Variants in HPSE2 observed in about 807,000 individuals in gnomAD.
HPSE2 encodes heparanase 2 (inactive).
A neutral mutation model predicts 60.5 loss-of-function variants in HPSE2; 38 were observed. The ratio of observed to expected loss-of-function variants is 0.63; its 90% CI spans 0.48 to 0.82. The LOEUF (loss-of-function observed/expected upper bound fraction) is 0.82. Ranked by LOEUF, HPSE2 falls within the 40% of genes least tolerant of loss-of-function variation. The probability of loss-of-function intolerance (pLI) is 0.00; values close to 1 mark genes in which losing one functional copy is unlikely to be tolerated. For missense variants in HPSE2, 713 were observed against 740.4 expected (o/e 0.96, Z 0.43); for synonymous variants, 295 against 293.2 (o/e 1.01, Z -0.06).
rs148630021 is a variant in HPSE2, at chr10:98,774,014, T to C, written c.611-29958A>G. On this transcript the variant is annotated intron_variant, in intron 3 of 11. Coordinates refer to ENST00000370552, the MANE Select transcript of HPSE2 (RefSeq NM_021828.5). ...CAAGGGTGCAGGGTGCAGTGAGCCA[T>C]GACTGTGTCACTGCACTCCAGTATG... Among the ~76,000 whole-genome samples, 1,134 of 152,242 alleles carry C rather than the reference T, an allele frequency of 7.4e-3. 7 individuals carry two copies. The highest frequency in any genetic ancestry group is 0.019 in the Admixed American group (290 of 15,294).
the HPSE2 span, among the ~76,000 whole-genome samples, chr10:99,298,699 G>A: frequency 4.0e-5 from 6 of 148,640 alleles, no homozygotes; most frequent in East Asian, 6.0e-4. Context: ...TTTTTGAGAC[G>A]GAGTCTCGCT....
chr10:98,738,964 A>C (rs1949426332), intron 4 of HPSE2, among the ~76,000 whole-genome samples: 1 of 152,202 alleles, frequency 6.6e-6, no homozygotes, highest in South Asian at 2.1e-4. Context: ...CAGCCATCCC[A>C]TTACTGGATA....
At chr10:98,960,701 C>CTTTTTTTTTTTTTTTTTTT in intron 3 of HPSE2, among the ~76,000 whole-genome samples, 61 of 57,486 alleles carry the variant, frequency 1.1e-3, no homozygotes, top group Non-Finnish European at 1.3e-3. Context: ...ATGTACATTT[C>CTTTTTTTTTTTTTTTTTTT]TTTTTTTTTT....
Position 98,931,378 on chromosome 10 carries a change from A to G in HPSE2, c.611-187322T>C, listed in dbSNP as rs180977251. 3.5e-5 allele frequency among the ~76,000 whole-genome samples: 5 copies of G among 144,190 alleles called. 1 individual carries two copies. The highest frequency in any genetic ancestry group is 3.6e-3 in the Middle Eastern group (1 of 280). The allele number at this position is 144,190 out of a possible 152,430, so 94.6% of individuals were successfully genotyped here. On this transcript the variant is annotated intron_variant, in intron 3 of 11. Coordinates refer to ENST00000370552, the MANE Select transcript of HPSE2 (RefSeq NM_021828.5). ...GCTATTTTGGTTACTATGGCCTTGT[A>G]GTACAGTTTGAAGTTGGGTAGCATG...
rs368074327 is a variant in HPSE2 at position 98,802,770 on chromosome 10, A to G, written c.611-58714T>C. ...AGTCTTTGCTATTGTGAATAGTGCC[A>G]CAATAAACATACGTGTGCATGTGTC... On this transcript the variant is annotated intron_variant, in intron 3 of 11. Coordinates refer to ENST00000370552, the MANE Select transcript of HPSE2 (RefSeq NM_021828.5). Among the ~76,000 whole-genome samples, 1,003 of 132,450 alleles carry G rather than the reference A, an allele frequency of 7.6e-3. 6 individuals carry two copies. Among genetic ancestry groups the G allele is most frequent in the African/African-American group, 0.027 (916 of 33,368 alleles). 86.9% of individuals were successfully genotyped at this position (132,450 alleles called of 152,430 possible). A position where few individuals can be genotyped will look rare whatever the true frequency, so the allele number is the denominator to read the frequency against.
chr10:99,115,084 A>T (rs1844628620), intron 3 of HPSE2, among the ~76,000 whole-genome samples: 1 of 151,344 alleles, frequency 6.6e-6, no homozygotes, highest in Non-Finnish European at 1.5e-5. Flanking sequence ...CTCAGCTTCA[A>T]GGGATCCTCC....
In HPSE2 at chr10:98,838,970, A is replaced by G. The variant is rs1951852725; in HGVS notation, c.611-94914T>C. 2.6e-5 allele frequency among the ~76,000 whole-genome samples: 4 copies of G among 152,302 alleles called. No homozygotes were observed. The South Asian group carries it at 8.3e-4, about 32-fold the overall frequency. ...GAAAGTTATGATCTAGTACAAATTT[A>G]AAATTCATAAACCATCTAGAGAAGT... On this transcript the variant is annotated intron_variant, in intron 3 of 11. Transcript: ENST00000370552.
At chr10:98,540,691 A>AAAT (rs1943431339) in intron 9 of HPSE2, among the ~76,000 whole-genome samples, 1 of 152,244 alleles carries the variant, frequency 6.6e-6, no homozygotes. Flanking sequence ...TGCTCTCTGG[A>AAAT]AATATAGTAT....
At chr10:98,504,687 G>A (rs1288910688) in intron 9 of HPSE2, among the ~76,000 whole-genome samples, 1 of 152,036 alleles carries the variant, frequency 6.6e-6, no homozygotes, top group East Asian at 1.9e-4. Context: ...CTATTCAGGA[G>A]GCTGAGGCGG....
At chr10:98,479,357 C>T (rs1941144519) in intron 11 of HPSE2, among the ~76,000 whole-genome samples, 1 of 152,210 alleles carries the variant, frequency 6.6e-6, no homozygotes, top group African/African-American at 2.4e-5. Context: ...CTAGCAGACA[C>T]AGAACACAGA....
chr10:98,765,713 C>T (rs141956579), intron 3 of HPSE2, among the ~76,000 whole-genome samples: 2,303 of 152,066 alleles, frequency 0.015, 32 homozygotes, highest in African/African-American at 0.03. Flanking sequence ...CATGGTGGCA[C>T]GTGCCTGTAA....
At chr10:98,794,453 T>C (rs767684597) in intron 3 of HPSE2, among the ~76,000 whole-genome samples, 35 of 152,068 alleles carry the variant, frequency 2.3e-4, no homozygotes, top group Non-Finnish European at 3.2e-4. Context: ...CTATGTTGGC[T>C]AGGCTGGTCT....
chr10:98,896,877 C>G (rs1953506612), intron 3 of HPSE2, among the ~76,000 whole-genome samples: 1 of 152,098 alleles, frequency 6.6e-6, no homozygotes, highest in Non-Finnish European at 1.5e-5. Flanking sequence ...CCTCAGAAGA[C>G]ACAAATTAAC....
intron 2 of HPSE2, among the ~76,000 whole-genome samples, chr10:99,184,788 A>T (rs1162960081): frequency 1.0e-3 from 22 of 21,636 alleles, no homozygotes; most frequent in African/African-American, 2.9e-3. Flanking sequence ...ATCCAAAATT[A>T]TATATATATA....
intron 2 of HPSE2, among the ~76,000 whole-genome samples, chr10:99,191,359 G>A (rs758634199): frequency 6.6e-6 from 1 of 151,752 alleles, no homozygotes; most frequent in Non-Finnish European, 1.5e-5. Context: ...CAGGGGTGGT[G>A]AACATAGTGG....
At chr10:98,701,871 C>T (rs1200453491) in intron 5 of HPSE2, among the ~76,000 whole-genome samples, 6 of 152,066 alleles carry the variant, frequency 3.9e-5, no homozygotes, top group Non-Finnish European at 7.4e-5. Flanking sequence ...AATATAAAGA[C>T]CAATGACACT....
intron 9 of HPSE2, among the ~76,000 whole-genome samples, chr10:98,504,721 T>A (rs1245404630): frequency 1.0e-4 from 15 of 144,050 alleles, no homozygotes; most frequent in Non-Finnish European, 1.2e-4. Context: ...ACCCAGGAGG[T>A]GGAGCTTGCA....
the HPSE2 span, among the ~76,000 whole-genome samples, chr10:99,281,389 C>T: frequency 6.6e-6 from 1 of 151,174 alleles, no homozygotes; most frequent in Non-Finnish European, 1.5e-5. Flanking sequence ...ACTCTGCTAC[C>T]TCATTTGAGA....
intron 3 of HPSE2, among the ~76,000 whole-genome samples, chr10:98,994,071 G>C (rs1168104637): frequency 6.6e-6 from 1 of 152,102 alleles, no homozygotes; most frequent in Non-Finnish European, 1.5e-5. Context: ...AAGCATGAAG[G>C]CTTTGAAGTC....
Sources: allele counts gnomAD v4.1 joint callset (sites outside exome capture counted in the v4.1 genomes callset), GRCh38; gene constraint gnomAD v4.1.1; transcripts MANE v1.5; gene names NCBI Gene and HGNC (gene_info 2026-07-23, HGNC 2026-07-21).